Variants in LARGE1 observed in about 807,000 individuals in gnomAD.
The protein encoded by LARGE1 is LARGE xylosyl- and glucuronyltransferase 1.
LARGE1 carries 43 observed loss-of-function variants against 87.6 expected under a neutral mutation model. That is an observed-to-expected ratio of 0.49 (90% confidence interval 0.38 to 0.63). LARGE1 has a LOEUF of 0.63. LARGE1 is among the 30% of genes least tolerant of loss of function. LARGE1 has a pLI of 0.00. For synonymous variants in LARGE1, 434 were observed against 394.6 expected (o/e 1.10, Z -1.18); for missense variants, 802 against 1,000.2 (o/e 0.80, Z 2.67).
chr22:33,591,901 C>A (rs1403673145), intron 5 of LARGE1, among the ~76,000 whole-genome samples: 1 of 149,812 alleles, frequency 6.7e-6, no homozygotes, highest in Non-Finnish European at 1.5e-5. Context: ...TAGCATGTGC[C>A]TGTAGTCCCA....
chr22:33,191,996 A>T (rs1038920905), intron 11 of LARGE1, among the ~76,000 whole-genome samples: 1 of 152,186 alleles, frequency 6.6e-6, no homozygotes, highest in Non-Finnish European at 1.5e-5. Context: ...TTCTTATATG[A>T]AAACTGAACA....
chr22:33,307,575 A>G (rs1935073376), intron 11 of LARGE1, among the ~76,000 whole-genome samples: 1 of 152,016 alleles, frequency 6.6e-6, no homozygotes, highest in East Asian at 1.9e-4. Flanking sequence ...TGCCTCTCAA[A>G]CATGTCTTCA....
At chr22:33,399,314 C>A (rs1282235288) in intron 7 of LARGE1, among the ~76,000 whole-genome samples, 1 of 152,178 alleles carries the variant, frequency 6.6e-6, no homozygotes. Context: ...AGGACATGAA[C>A]TCATTCTTTT....
At chr22:33,285,146 C>T (rs1210546767) in intron 12 of LARGE1, among the ~76,000 whole-genome samples, 2 of 152,208 alleles carry the variant, frequency 1.3e-5, no homozygotes, top group Admixed American at 6.5e-5. Context: ...TCTGTGATCA[C>T]TCTTGGCCAG....
intron 1 of LARGE1, among the ~76,000 whole-genome samples, chr22:33,881,536 CAG>C (rs747675093): frequency 2.1e-4 from 32 of 152,184 alleles, no homozygotes; most frequent in Non-Finnish European, 4.0e-4. Context: ...GGTTAAAAGG[CAG>C]AGTCTTACAA....
At chr22:33,669,969 C>T (rs150287935) in intron 2 of LARGE1, among the ~76,000 whole-genome samples, 3 of 152,200 alleles carry the variant, frequency 2.0e-5, no homozygotes, top group Non-Finnish European at 2.9e-5. Context: ...TAGGGAGTGC[C>T]GTTGTGTGTA....
At chr22:33,536,570 A>G (rs2077049968) in intron 6 of LARGE1, among the ~76,000 whole-genome samples, 1 of 152,234 alleles carries the variant, frequency 6.6e-6, no homozygotes, top group South Asian at 2.1e-4. Context: ...TCAATAAAAC[A>G]TAATTATCTC....
intron 12 of LARGE1, among the ~76,000 whole-genome samples, chr22:33,299,881 T>G (rs551007256): frequency 6.6e-6 from 1 of 152,162 alleles, no homozygotes; most frequent in Non-Finnish European, 1.5e-5. Flanking sequence ...TCAGAAAAAG[T>G]AGATGAAGGG....
intron 7 of LARGE1, among the ~76,000 whole-genome samples, chr22:33,422,820 G>T (rs577594776): frequency 3.0e-4 from 45 of 151,962 alleles, no homozygotes; most frequent in African/African-American, 1.1e-3. Context: ...TCATGAGAAC[G>T]GCACCAAGGT....
chr22:33,880,581 G>A (rs1003166241), intron 1 of LARGE1, among the ~76,000 whole-genome samples: 1 of 152,104 alleles, frequency 6.6e-6, no homozygotes, highest in Admixed American at 6.5e-5. Flanking sequence ...CATCCTCCCA[G>A]GCTTAACAGC....
At chr22:33,297,036 A>T (rs1463717242) in intron 12 of LARGE1, among the ~76,000 whole-genome samples, 2 of 152,198 alleles carry the variant, frequency 1.3e-5, no homozygotes, top group Non-Finnish European at 2.9e-5. Context: ...AATGTTATAG[A>T]TACAGCAGAG....
At chr22:33,379,132 C>CCTGCCTT (rs917602620) in intron 9 of LARGE1, among the ~76,000 whole-genome samples, 82 of 151,554 alleles carry the variant, frequency 5.4e-4, no homozygotes, top group African/African-American at 1.7e-3. Flanking sequence ...AGCACACCCT[C>CCTGCCTT]CTGCCTTCCC....
rs188048724 is a variant in LARGE1 at position 33,318,865 on chromosome 22, G to A, written c.1288-2617C>T. 3.3e-3 allele frequency among the ~76,000 whole-genome samples: 508 copies of A among 152,124 alleles called. 6 individuals carry two copies. The highest frequency in any genetic ancestry group is 9.4e-3 in the Admixed American group (144 of 15,270). ...ACAGACAAAAGTTTACATGGCAAGG[G>A]TTACCAACCTAGCTGAATACCATAG... On this transcript the variant is annotated intron_variant, in intron 10 of 14. Transcript: ENST00000397394.
chr22:33,384,152 A>G (rs2147133818), intron 8 of LARGE1, 40 bp downstream of exon 8: 1 of 1,344,568 alleles, frequency 7.4e-7, no homozygotes, highest in East Asian at 2.3e-5. Flanking sequence ...AGCACCAAGC[A>G]CACTCAGGAA....
chr22:33,130,313 CAAAAAA>C, the LARGE1 span, among the ~76,000 whole-genome samples: 1,422 of 56,978 alleles, frequency 0.025, 24 homozygotes, highest in African/African-American at 0.063. Context: ...GATTCCGTCT[CAAAAAA>C]AAAAAAAAAA....
At chr22:33,831,451 C>T (rs1170647990) in intron 1 of LARGE1, among the ~76,000 whole-genome samples, 1 of 152,054 alleles carries the variant, frequency 6.6e-6, no homozygotes, top group Non-Finnish European at 1.5e-5. Context: ...GGTGAGAGGG[C>T]GGGGAGCCCT....
intron 6 of LARGE1, among the ~76,000 whole-genome samples, chr22:33,510,747 T>C (rs1329108678): frequency 2.0e-5 from 3 of 152,134 alleles, no homozygotes; most frequent in Admixed American, 6.5e-5. Flanking sequence ...GGCTAATTTT[T>C]TGTATTTCTT....
At chr22:33,265,089 A>G (rs1386624334) in intron 11 of LARGE1, among the ~76,000 whole-genome samples, 1 of 151,394 alleles carries the variant, frequency 6.6e-6, no homozygotes, top group East Asian at 2.0e-4. Flanking sequence ...TTTAGTAGAG[A>G]TGGGGTGATT....
intron 10 of LARGE1, 55 bp from the exon 11 acceptor site, chr22:33,316,303 A>G (rs1936157665): frequency 1.5e-5 from 24 of 1,585,322 alleles, no homozygotes; most frequent in Middle Eastern, 2.1e-4. Context: ...GAGGGGGCCC[A>G]TGAGCTTGCC....
Sources: allele counts gnomAD v4.1 joint callset (sites outside exome capture counted in the v4.1 genomes callset), GRCh38; gene constraint gnomAD v4.1.1; transcripts MANE v1.5; gene names NCBI Gene and HGNC (gene_info 2026-07-23, HGNC 2026-07-21).